Variants in PTGER4 observed in about 807,000 individuals in gnomAD.
PTGER4 encodes the protein prostaglandin E2 receptor EP4 subtype.
Under a neutral mutation model 33.2 loss-of-function variants are expected in PTGER4, and 11 were observed. That is an observed-to-expected ratio of 0.33 (90% confidence interval 0.21 to 0.55). The LOEUF is 0.55. Ranked by LOEUF, PTGER4 falls within the 20% of genes least tolerant of loss-of-function variation. PTGER4 has a pLI of 0.92. For missense variants in PTGER4, 481 were observed against 650.2 expected (o/e 0.74, Z 2.83); for synonymous variants, 275 against 281.5 (o/e 0.98, Z 0.23).
chr5:40,716,589 A>G, the PTGER4 span: 3 of 796,546 alleles, frequency 3.8e-6, no homozygotes, highest in African/African-American at 5.2e-5. Context: ...TATACTGTAC[A>G]CATACACATC....
the PTGER4 span, among the ~76,000 whole-genome samples, chr5:40,710,024 T>A: frequency 1.3e-5 from 2 of 152,158 alleles, no homozygotes; most frequent in South Asian, 2.1e-4. Context: ...AGGCAAGGAC[T>A]TCATGTCTAA....
the PTGER4 span, among the ~76,000 whole-genome samples, chr5:40,711,684 C>CTATA: frequency 6.6e-6 from 1 of 151,946 alleles, no homozygotes; most frequent in Admixed American, 6.6e-5. Context: ...TATCTATATA[C>CTATA]TAGAATACTA....
At chr5:40,740,888 A>G in the PTGER4 span, among the ~76,000 whole-genome samples, 3 of 152,298 alleles carry the variant, frequency 2.0e-5, no homozygotes, top group East Asian at 1.9e-4. Context: ...ACTGTTCAGT[A>G]TATTTTTTAT....
chr5:40,698,674 A>T (rs1561135165), downstream of PTGER4, among the ~76,000 whole-genome samples: 1 of 152,206 alleles, frequency 6.6e-6, no homozygotes, highest in Non-Finnish European at 1.5e-5. Context: ...ATCTCAATGC[A>T]TTACTTTATG....
In PTGER4 at chr5:40,692,208, A is replaced by C; in HGVS notation, c.1297A>C (p.Thr433Pro). Residue 433 changes from threonine (T) to proline (P), a missense_variant, in exon 3 of 3, where the codon ACT becomes CCT. Thr to Pro is a conservative substitution (Grantham distance 38). This residue lies in a region of PTGER4 where 172 missense variants were observed against 199.2 expected (regional missense o/e 0.86). Coordinates refer to ENST00000302472, the MANE Select transcript of PTGER4 (RefSeq NM_000958.3). ...LAQEDTTSLR[T>P]LRISETSDSS... ...CCAGGAAGACACCACCTCACTGAGG[A>C]CTTTGCGAATATCAGAGACCTCAGA... 2 of 1,614,202 alleles carry C rather than the reference A, an allele frequency of 1.2e-6. No individual in the cohort carries two copies. Among genetic ancestry groups the C allele is most frequent in the Non-Finnish European group, 1.7e-6 (2 of 1,180,030 alleles).
downstream of PTGER4, among the ~76,000 whole-genome samples, chr5:40,695,385 A>T (rs1461722451): frequency 6.6e-6 from 1 of 152,006 alleles, no homozygotes; most frequent in Non-Finnish European, 1.5e-5. Flanking sequence ...TCCACTAAAA[A>T]TATAAAAATT....
At chr5:40,722,123 TA>T in the PTGER4 span, among the ~76,000 whole-genome samples, 2 of 152,124 alleles carry the variant, frequency 1.3e-5, no homozygotes, top group African/African-American at 4.8e-5. Flanking sequence ...GAGAACCGCT[TA>T]AACCCGGGAG....
the PTGER4 span, among the ~76,000 whole-genome samples, chr5:40,700,870 A>G: frequency 6.6e-6 from 1 of 152,156 alleles, no homozygotes; most frequent in Non-Finnish European, 1.5e-5. Context: ...CAACTGACCA[A>G]TAAGCCTAAG....
the PTGER4 span, among the ~76,000 whole-genome samples, chr5:40,706,936 A>G: frequency 6.6e-4 from 100 of 152,336 alleles, 1 homozygote; most frequent in South Asian, 1.2e-3. Context: ...ACTAAGCTTC[A>G]TAAGTGAAGG....
chr5:40,690,033 CATA>C (rs1227296436), intron 2 of PTGER4, among the ~76,000 whole-genome samples: 1 of 151,846 alleles, frequency 6.6e-6, no homozygotes, highest in Non-Finnish European at 1.5e-5. Flanking sequence ...AAAAAAAAAT[CATA>C]ATACTTTAAG....
the PTGER4 span, among the ~76,000 whole-genome samples, chr5:40,706,038 T>C: frequency 6.6e-6 from 1 of 152,170 alleles, no homozygotes; most frequent in Non-Finnish European, 1.5e-5. Context: ...AAACGTTCAT[T>C]GCACACTGTT....
At position 40,681,272 on chromosome 5, in the gene PTGER4, G is replaced by C. The variant is rs1454572257; in HGVS notation, c.279G>C (p.Glu93Asp). The C allele has an allele frequency of 6.2e-7, 1 of 1,614,088 alleles. No individual in the cohort carries two copies. The highest frequency in any genetic ancestry group is 1.3e-5 in the African/African-American group (1 of 74,952). ...GQWPGGQPLC[E>D]YSTFILLFFS... ...GGCCCGGGGGCCAGCCGCTGTGCGA[G>C]TACAGCACCTTCATTCTGCTCTTCT... The change falls in exon 2 of 3, where the codon GAG (glutamate) becomes GAC (aspartate). Residue 93 changes from glutamate to aspartate, a missense_variant. Physicochemically the swap from Glu to Asp is conservative, Grantham distance 45. Transcript: ENST00000302472. The surrounding 1 kb of genome is among the most constrained non-coding windows in gnomAD (Gnocchi z 9.8).
chr5:40,703,167 A>G, the PTGER4 span, among the ~76,000 whole-genome samples: 3 of 152,046 alleles, frequency 2.0e-5, no homozygotes, highest in Non-Finnish European at 4.4e-5. Context: ...CAGAGCTGAA[A>G]ATCAAGAATT....
chr5:40,743,787 T>A, the PTGER4 span, among the ~76,000 whole-genome samples: 1 of 152,212 alleles, frequency 6.6e-6, no homozygotes, highest in South Asian at 2.1e-4. Flanking sequence ...AAAATATATA[T>A]CTTTGTAGTT....
At chr5:40,721,362 A>C in the PTGER4 span, among the ~76,000 whole-genome samples, 3 of 152,336 alleles carry the variant, frequency 2.0e-5, no homozygotes, top group African/African-American at 7.2e-5. Flanking sequence ...AATATATTAC[A>C]AAGTGACAGC....
At chr5:40,721,411 T>C in the PTGER4 span, among the ~76,000 whole-genome samples, 4 of 152,138 alleles carry the variant, frequency 2.6e-5, no homozygotes, top group Non-Finnish European at 5.9e-5. Context: ...GTCAGATATA[T>C]AGACCAATGG....
At chr5:40,712,039 G>A in the PTGER4 span, among the ~76,000 whole-genome samples, 2 of 152,034 alleles carry the variant, frequency 1.3e-5, no homozygotes, top group Admixed American at 6.6e-5. Flanking sequence ...CAACTATAAC[G>A]TTAAAATACT....
chr5:40,684,123 CA>C (rs1264465224), intron 2 of PTGER4, among the ~76,000 whole-genome samples: 1,411 of 42,616 alleles, frequency 0.033, 13 homozygotes, highest in African/African-American at 0.059. Context: ...GCCACCCACC[CA>C]CCCCCCCCCC....
the PTGER4 span, among the ~76,000 whole-genome samples, chr5:40,744,118 T>G: frequency 1.3e-5 from 2 of 152,234 alleles, no homozygotes; most frequent in Non-Finnish European, 2.9e-5. Flanking sequence ...GTTTTATGGA[T>G]GTACTCAAAG....
Sources: allele counts gnomAD v4.1 joint callset (sites outside exome capture counted in the v4.1 genomes callset), GRCh38; gene constraint gnomAD v4.1.1; regional missense constraint gnomAD v4.1.1; non-coding constraint Gnocchi (gnomAD v3.1); transcripts MANE v1.5; gene names NCBI Gene and HGNC (gene_info 2026-07-23, HGNC 2026-07-21).